Variants in MAD1L1 observed in about 807,000 individuals in gnomAD.
The protein encoded by MAD1L1 is mitotic spindle assembly checkpoint protein MAD1.
MAD1L1 carries 95 observed loss-of-function variants against 96.9 expected under a neutral mutation model. That is an observed-to-expected ratio of 0.98 (90% confidence interval 0.83 to 1.16). The LOEUF is 1.16. Ranked by LOEUF, MAD1L1 falls within the 50% of genes most tolerant of loss-of-function variation. MAD1L1 has a pLI of 0.00. For synonymous variants in MAD1L1, 473 were observed against 396.6 expected (o/e 1.19, Z -2.29); for missense variants, 1,007 against 954.4 (o/e 1.06, Z -0.73).
chr7:2,002,920 CCCTT>C (rs1246632063), intron 13 of MAD1L1, among the ~76,000 whole-genome samples: 8 of 41,652 alleles, frequency 1.9e-4, no homozygotes, highest in African/African-American at 7.1e-4. Flanking sequence ...CTCCCTCTGC[CCCTT>C]CCTGACTCCT....
At chr7:1,932,728 G>A (rs1789552790) in intron 17 of MAD1L1, among the ~76,000 whole-genome samples, 2 of 152,338 alleles carry the variant, frequency 1.3e-5, no homozygotes, top group South Asian at 4.1e-4. Flanking sequence ...GCCTCTCCCG[G>A]GAGGCAGGGA....
At chr7:1,947,894 A>T (rs1194792395) in intron 16 of MAD1L1, among the ~76,000 whole-genome samples, 3 of 152,132 alleles carry the variant, frequency 2.0e-5, no homozygotes, top group African/African-American at 7.2e-5. Flanking sequence ...CACCTATTCC[A>T]GGAAAGCAGC....
At chr7:1,946,734 C>T (rs972213286) in intron 16 of MAD1L1, among the ~76,000 whole-genome samples, 1 of 152,238 alleles carries the variant, frequency 6.6e-6, no homozygotes, top group Non-Finnish European at 1.5e-5. Flanking sequence ...TCCAAGCTCC[C>T]CTCCAGGCTG....
At chr7:2,120,688 A>G (rs1368635359) in intron 11 of MAD1L1, among the ~76,000 whole-genome samples, 1 of 152,186 alleles carries the variant, frequency 6.6e-6, no homozygotes, top group Non-Finnish European at 1.5e-5. Flanking sequence ...GAAACATAAT[A>G]ATTATCTGAG....
At chr7:1,857,955 C>T (rs1026671077) in intron 18 of MAD1L1, among the ~76,000 whole-genome samples, 2 of 152,196 alleles carry the variant, frequency 1.3e-5, no homozygotes, top group African/African-American at 4.8e-5. Context: ...TCCCCAGGGC[C>T]GAGTCCCTTG....
At chr7:2,118,621 G>C (rs1562704801) in intron 11 of MAD1L1, among the ~76,000 whole-genome samples, 1 of 152,200 alleles carries the variant, frequency 6.6e-6, no homozygotes, top group African/African-American at 2.4e-5. Flanking sequence ...CAAGTTCCCT[G>C]GGGCAGGTGA....
intron 12 of MAD1L1, among the ~76,000 whole-genome samples, chr7:2,022,047 T>C (rs1382451024): frequency 6.6e-6 from 1 of 152,212 alleles, no homozygotes; most frequent in Admixed American, 6.5e-5. Context: ...CCTCTACCTC[T>C]GGGGCTCAAG....
chr7:1,848,698 C>T lies in MAD1L1; in HGVS notation c.1999-32470G>A, dbSNP rs1161327066. 4 of 154,536 alleles carry T rather than the reference C, an allele frequency of 2.6e-5. No individual in the cohort carries two copies. The East Asian group carries it at 7.7e-4, about 30-fold the overall frequency. 9.6% of individuals were successfully genotyped at this position (154,536 alleles called of 1,614,324 possible). A position where few individuals can be genotyped will look rare whatever the true frequency, so the allele number is the denominator to read the frequency against. On this transcript the variant is annotated intron_variant, in intron 18 of 18. Transcript: ENST00000265854. ...GATGGGGAAGCTGAGCTCTGTCTGA[C>T]CTGCTCTGGAAAACAACTGGTCCAG...
chr7:2,070,678 T>A (rs1039866236), intron 11 of MAD1L1, among the ~76,000 whole-genome samples: 1 of 152,120 alleles, frequency 6.6e-6, no homozygotes, highest in Non-Finnish European at 1.5e-5. Flanking sequence ...AAATCTTAAC[T>A]AAATCTCAAG....
intron 11 of MAD1L1, among the ~76,000 whole-genome samples, chr7:2,100,605 G>C (rs1786730247): frequency 1.3e-5 from 2 of 152,250 alleles, no homozygotes; most frequent in South Asian, 4.1e-4. Flanking sequence ...CCGTGTCCTG[G>C]GCCCTGGCTG....
In MAD1L1 at chr7:2,219,381, G is replaced by A; in HGVS notation, c.547C>T (p.Leu183=). The change falls in exon 6 of 19, where the codon CTG becomes TTG. Residue 183 remains leucine (L), a synonymous_variant. Coordinates refer to ENST00000265854, the MANE Select transcript of MAD1L1 (RefSeq NM_001013836.2). ...TGCAGCTCCTGCTTCTCCGACTCCA[G>A]GCGCTTCACCCGCATCTCCTGGTCC... ...VMDQEMRVKR[L]ESEKQELQEQ... The A allele has an allele frequency of 6.2e-7, 1 of 1,608,510 alleles. No homozygotes were observed. Among genetic ancestry groups the A allele is most frequent in the South Asian group, 1.1e-5 (1 of 89,860 alleles).
intron 12 of MAD1L1, among the ~76,000 whole-genome samples, chr7:2,056,797 C>T (rs927234663): frequency 1.3e-5 from 2 of 152,218 alleles, no homozygotes; most frequent in South Asian, 2.1e-4. Context: ...CGGCCGATCG[C>T]GGAGAGGAAC....
chr7:2,039,637 A>G (rs976133942), intron 12 of MAD1L1, among the ~76,000 whole-genome samples: 1 of 152,136 alleles, frequency 6.6e-6, no homozygotes, highest in Non-Finnish European at 1.5e-5. Context: ...CTTAACTGTC[A>G]TCTGTATATG....
chr7:2,149,759 A>T (rs544797001), intron 10 of MAD1L1, among the ~76,000 whole-genome samples: 1 of 152,238 alleles, frequency 6.6e-6, no homozygotes, highest in South Asian at 2.1e-4. Flanking sequence ...GAGGAAACTC[A>T]GACTCCAATG....
intron 12 of MAD1L1, among the ~76,000 whole-genome samples, chr7:2,058,673 G>A (rs1784490250): frequency 1.6e-5 from 2 of 122,636 alleles, no homozygotes; most frequent in African/African-American, 3.2e-5. Flanking sequence ...CAGAGGAGAG[G>A]AGAGGCTTGA....
intron 15 of MAD1L1, among the ~76,000 whole-genome samples, chr7:1,965,764 G>T (rs1241628168): frequency 1.3e-5 from 2 of 152,276 alleles, no homozygotes; most frequent in Non-Finnish European, 2.9e-5. Context: ...ACAAACTCTA[G>T]CTGCGTTTTC....
At chr7:1,950,600 C>T (rs562082789) in intron 16 of MAD1L1, among the ~76,000 whole-genome samples, 4 of 152,224 alleles carry the variant, frequency 2.6e-5, no homozygotes, top group Non-Finnish European at 4.4e-5. Context: ...TGGCTCTGAG[C>T]GCCAGTCGAC....
At chr7:1,927,705 G>C (rs1789169499) in intron 17 of MAD1L1, among the ~76,000 whole-genome samples, 1 of 152,156 alleles carries the variant, frequency 6.6e-6, no homozygotes, top group South Asian at 2.1e-4. Context: ...ATGGGTCACA[G>C]ATTTAAATGT....
chr7:2,100,713 G>A (rs1197909456), intron 11 of MAD1L1, among the ~76,000 whole-genome samples: 1 of 152,254 alleles, frequency 6.6e-6, no homozygotes, highest in Non-Finnish European at 1.5e-5. Flanking sequence ...GGTCCTGGCC[G>A]CAAATCATCA....
Sources: allele counts gnomAD v4.1 joint callset (sites outside exome capture counted in the v4.1 genomes callset), GRCh38; gene constraint gnomAD v4.1.1; transcripts MANE v1.5; gene names NCBI Gene and HGNC (gene_info 2026-07-23, HGNC 2026-07-21).